Variants in MAPKAPK2 observed in about 807,000 individuals in gnomAD.
MAPKAPK2 encodes MAP kinase-activated protein kinase 2.
Under a neutral mutation model 48.8 loss-of-function variants are expected in MAPKAPK2, and 9 were observed. The observed-to-expected ratio is 0.18, with a 90% CI of 0.11 to 0.32. The LOEUF (loss-of-function observed/expected upper bound fraction) is 0.32, where lower values mean the gene tolerates loss of function less well. Among genes scored for constraint, MAPKAPK2 ranks in the 10% least tolerant of loss-of-function variants. The pLI, the probability that MAPKAPK2 is intolerant of heterozygous loss-of-function variation, is 1.00. For missense variants in MAPKAPK2, 331 were observed against 498.3 expected (o/e 0.66, Z 3.20); for synonymous variants, 202 against 190.6 (o/e 1.06, Z -0.49).
intron 1 of MAPKAPK2, among the ~76,000 whole-genome samples, chr1:206,694,889 A>G (rs782248696): frequency 6.6e-6 from 1 of 152,202 alleles, no homozygotes; most frequent in East Asian, 1.9e-4. Context: ...ACAGGGAGAA[A>G]ATGAGCATAT....
intron 1 of MAPKAPK2, among the ~76,000 whole-genome samples, chr1:206,698,922 A>C (rs1271307985): frequency 6.6e-6 from 1 of 152,210 alleles, no homozygotes; most frequent in Admixed American, 6.5e-5. Flanking sequence ...TCTAAAACCT[A>C]GGCTCCCTCC....
At chr1:206,690,159 A>G (rs782459410) in intron 1 of MAPKAPK2, among the ~76,000 whole-genome samples, 1 of 152,232 alleles carries the variant, frequency 6.6e-6, no homozygotes, top group Non-Finnish European at 1.5e-5. Flanking sequence ...TTTGAGGGGC[A>G]TGAAGGTGTC....
Position 206,720,218 on chromosome 1 carries a change from C to G in MAPKAPK2, c.280-8492C>G, listed in dbSNP as rs566818268. Among the ~76,000 whole-genome samples the G allele has an allele frequency of 1.8e-4, 27 of 152,334 alleles. No homozygotes were observed. In the South Asian group the frequency reaches 5.6e-3, roughly 32 times the overall value. ...CTAAAATTTAGAGAGCTAAGCTTGTCTCTTTAAAAAGTAACATATACTAAT... is the reference window on the plus strand; with the variant it reads ...CTAAAATTTAGAGAGCTAAGCTTGTGTCTTTAAAAAGTAACATATACTAAT... On this transcript the variant is annotated intron_variant, in intron 1 of 9. Coordinates refer to ENST00000367103, the MANE Select transcript of MAPKAPK2 (RefSeq NM_032960.4).
At chr1:206,712,559 A>G (rs1174890653) in intron 1 of MAPKAPK2, among the ~76,000 whole-genome samples, 2 of 150,308 alleles carry the variant, frequency 1.3e-5, no homozygotes, top group Admixed American at 1.3e-4. Flanking sequence ...AAAATCTACT[A>G]CCTAGCACAG....
chr1:206,721,816 A>G (rs1456787328), intron 1 of MAPKAPK2, among the ~76,000 whole-genome samples: 1 of 152,244 alleles, frequency 6.6e-6, no homozygotes, highest in Non-Finnish European at 1.5e-5. Context: ...GTCAATTCAC[A>G]TAAAACTTTT....
chr1:206,692,524 T>TGGCCCA (rs1443079710), intron 1 of MAPKAPK2, among the ~76,000 whole-genome samples: 3 of 152,072 alleles, frequency 2.0e-5, no homozygotes, highest in Non-Finnish European at 4.4e-5. Context: ...GGCCATCAGG[T>TGGCCCA]TTGGTGGGAG....
intron 1 of MAPKAPK2, among the ~76,000 whole-genome samples, chr1:206,718,670 A>G (rs1444268124): frequency 6.6e-6 from 1 of 151,960 alleles, no homozygotes; most frequent in African/African-American, 2.4e-5. Flanking sequence ...TCTTTCTTCT[A>G]CGACACCGCA....
Position 206,731,836 on chromosome 1 carries a change from C to T in MAPKAPK2, c.979-3C>T. On this transcript the variant is annotated splice_polypyrimidine_tract_variant and splice_region_variant and intron_variant, in intron 8 of 9. Coordinates refer to ENST00000367103, the MANE Select transcript of MAPKAPK2 (RefSeq NM_032960.4). This position sits in a 1 kb window ranked among gnomAD's most constrained non-coding sequence, Gnocchi z 5.9. ...CACTCGGACCCCTTTTCTCTCTTCT[C>T]AGCAATCAACAAAGGTCCCTCAAAC... The T allele has an allele frequency of 1.2e-6, 2 of 1,614,110 alleles. No individual in the cohort carries two copies. The highest frequency in any genetic ancestry group is 2.2e-5 in the South Asian group (2 of 91,068).
At chr1:206,695,869 C>T (rs1334448643) in intron 1 of MAPKAPK2, 4 of 550,744 alleles carry the variant, frequency 7.3e-6, no homozygotes, top group Admixed American at 6.2e-5. Flanking sequence ...CGGGTGCTGT[C>T]AGAGGGGTTG....
intron 1 of MAPKAPK2, among the ~76,000 whole-genome samples, chr1:206,710,381 G>A (rs1673108247): frequency 6.6e-6 from 1 of 152,188 alleles, no homozygotes; most frequent in East Asian, 1.9e-4. Flanking sequence ...TAGTTGTGTT[G>A]CCTCCCTGTC....
At chr1:206,722,196 T>C (rs1673541545) in intron 1 of MAPKAPK2, among the ~76,000 whole-genome samples, 1 of 150,728 alleles carries the variant, frequency 6.6e-6, no homozygotes, top group Non-Finnish European at 1.5e-5. Context: ...CCGTCCCTAC[T>C]AAAAATAGAA....
At chr1:206,697,132 A>G (rs1195745902) in intron 1 of MAPKAPK2, among the ~76,000 whole-genome samples, 2 of 152,190 alleles carry the variant, frequency 1.3e-5, no homozygotes, top group Admixed American at 1.3e-4. Flanking sequence ...ATTCCTGTTC[A>G]GTCATGGAGA....
Position 206,732,267 on chromosome 1 carries a change from G to T in MAPKAPK2, c.1060-308G>T. 1 of 1,470,170 alleles carries T rather than the reference G, an allele frequency of 6.8e-7. No homozygotes were observed. The highest frequency in any genetic ancestry group is 9.0e-7 in the Non-Finnish European group (1 of 1,110,350). The allele number at this position is 1,470,170 out of a possible 1,614,324, so 91.1% of individuals were successfully genotyped here. A position where few individuals can be genotyped will look rare whatever the true frequency, so the allele number is the denominator to read the frequency against. On this transcript the variant is annotated intron_variant, in intron 9 of 9. Coordinates refer to ENST00000367103, the MANE Select transcript of MAPKAPK2 (RefSeq NM_032960.4). This position sits in a 1 kb window ranked among gnomAD's most constrained non-coding sequence, Gnocchi z 4.4. ...CTCAAGGTCACGCAGCTGGTGACTG[G>T]TTGGGGCAGACCGGACCCAGGTTTC... is the stretch of plus-strand genomic sequence containing the variant.
intron 1 of MAPKAPK2, among the ~76,000 whole-genome samples, chr1:206,705,798 G>A (rs1672933553): frequency 6.6e-6 from 1 of 152,216 alleles, no homozygotes; most frequent in African/African-American, 2.4e-5. Flanking sequence ...AAATTCGAGA[G>A]TCCTGGCTGG....
chr1:206,712,137 G>A (rs1553429575), intron 1 of MAPKAPK2, among the ~76,000 whole-genome samples: 1 of 152,148 alleles, frequency 6.6e-6, no homozygotes, highest in Non-Finnish European at 1.5e-5. Flanking sequence ...CAGAGCCCTT[G>A]CAATCACAAT....
rs1337144318 is a variant in MAPKAPK2 at position 206,732,639 on chromosome 1, T to C, written c.1124T>C (p.Ile375Thr). ...TACGAGCAGATCAAGATAAAAAAGA[T>C]TGAAGATGCATCCAACCCTCTGCTG... Reference protein sequence around the residue: ...VDYEQIKIKKIEDASNPLLLK... With the variant: ...VDYEQIKIKKTEDASNPLLLK... Residue 375 changes from isoleucine to threonine, a missense_variant, in exon 10 of 10, where the codon ATT becomes ACT. Physicochemically the swap from Ile to Thr is moderately conservative, Grantham distance 89. Around this residue, in one of 4 missense-constraint regions of MAPKAPK2, gnomAD observed 124 missense variants for 194.6 expected, o/e 0.64. Coordinates refer to ENST00000367103, the MANE Select transcript of MAPKAPK2 (RefSeq NM_032960.4). This position sits in a 1 kb window ranked among gnomAD's most constrained non-coding sequence, Gnocchi z 4.4. 1.2e-6 allele frequency: 2 copies of C among 1,614,056 alleles called. No homozygotes were observed. Among genetic ancestry groups the C allele is most frequent in the Non-Finnish European group, 1.7e-6 (2 of 1,180,040 alleles).
At chr1:206,695,383 T>TCAGTGGGTC (rs1271642999) in intron 1 of MAPKAPK2, among the ~76,000 whole-genome samples, 1 of 151,658 alleles carries the variant, frequency 6.6e-6, no homozygotes, top group Non-Finnish European at 1.5e-5. Context: ...CTTAAGCCCT[T>TCAGTGGGTC]CAGTGGGTCT....
Position 206,731,970 on chromosome 1 carries a change from CG to C in MAPKAPK2, c.1059+55del. On this transcript the variant is annotated intron_variant, in intron 9 of 9. Coordinates refer to ENST00000367103, the MANE Select transcript of MAPKAPK2 (RefSeq NM_032960.4). The surrounding 1 kb of genome is among the most constrained non-coding windows in gnomAD (Gnocchi z 5.9). The stretch of plus-strand genomic sequence containing the variant: ...GGCTCCAGGTGGGGTGGGCGGCTTG[CG>C]GGGAGTGCCCAGGTGTGAGGCGTGG... The C allele has an allele frequency of 6.2e-7, 1 of 1,613,620 alleles. No individual in the cohort carries two copies. The highest frequency in any genetic ancestry group is 8.5e-7 in the Non-Finnish European group (1 of 1,179,820).
Position 206,715,544 on chromosome 1 carries a change from AT to A in MAPKAPK2, c.280-13165del, listed in dbSNP as rs1553430203. ...AGAGACTTGGACCTTGTCTTTCAAAATGCATTCCCTTTTGGGATCTCTGCCC... is the reference window on the plus strand; with the variant it reads ...AGAGACTTGGACCTTGTCTTTCAAAAGCATTCCCTTTTGGGATCTCTGCCC... On this transcript the variant is annotated intron_variant, in intron 1 of 9. Transcript: ENST00000367103. Among the ~76,000 whole-genome samples the A allele has an allele frequency of 1.4e-4, 21 of 151,648 alleles. 1 individual carries two copies. In the South Asian group the frequency reaches 4.2e-3, roughly 30 times the overall value.
Sources: gnomAD v4.1 joint callset for allele counts (sites outside exome capture counted in the v4.1 genomes callset) on GRCh38, gnomAD v4.1.1 for gene constraint, gnomAD v4.1.1 regional missense constraint, Gnocchi (gnomAD v3.1) non-coding constraint, MANE v1.5 for transcripts, NCBI Gene and HGNC (gene_info 2026-07-23, HGNC 2026-07-21) for gene names.